The following IKBKB variants were observed in gnomAD, a reference collection of about 807,000 sequenced individuals.
IKBKB encodes the protein inhibitor of nuclear factor kappa B kinase subunit beta, also known as inhibitor of nuclear factor kappa-B kinase subunit beta.
In IKBKB, 42 loss-of-function variants were observed where a neutral mutation model predicts 113.6. The ratio of observed to expected loss-of-function variants is 0.37; its 90% confidence interval spans 0.29 to 0.48. The LOEUF (loss-of-function observed/expected upper bound fraction) is 0.48, where lower values mean the gene tolerates loss of function less well. Ranked by LOEUF, IKBKB falls within the 20% of genes least tolerant of loss-of-function variation. IKBKB has a pLI of 0.99. For missense variants in IKBKB, 673 were observed against 939.7 expected (o/e 0.72, Z 3.71); for synonymous variants, 296 against 361.3 (o/e 0.82, Z 2.05).
At chr8:42,304,069 T>A (rs1039339915) in intron 5 of IKBKB, among the ~76,000 whole-genome samples, 1 of 152,104 alleles carries the variant, frequency 6.6e-6, no homozygotes, top group African/African-American at 2.4e-5. Context: ...TTGTTGCTAA[T>A]GTGAATGGGA....
chr8:42,285,446 A>C (rs953513714), intron 2 of IKBKB, among the ~76,000 whole-genome samples: 19 of 152,144 alleles, frequency 1.2e-4, no homozygotes, highest in Admixed American at 1.2e-3. Context: ...AATCCCAGCT[A>C]CTTGAAGCTG....
intron 2 of IKBKB, among the ~76,000 whole-genome samples, chr8:42,288,406 G>C (rs958511683): frequency 1.3e-5 from 2 of 150,210 alleles, no homozygotes; most frequent in African/African-American, 4.9e-5. Flanking sequence ...AAAAAAAAGA[G>C]AGAGAAAGAA....
At chr8:42,327,632 CTT>C (rs746891907) in intron 20 of IKBKB, among the ~76,000 whole-genome samples, 15 of 122,800 alleles carry the variant, frequency 1.2e-4, no homozygotes, top group Admixed American at 1.7e-4. Context: ...TGCACCCAGC[CTT>C]TTTTTTTTTT....
chr8:42,317,820 T>C, intron 12 of IKBKB, 49 bp downstream of exon 12: 1 of 1,353,092 alleles, frequency 7.4e-7, no homozygotes. Flanking sequence ...TTATAATATG[T>C]GGGACAAGGC....
chr8:42,320,889 C>G (rs200102242), intron 16 of IKBKB, 45 bp downstream of exon 16: 33 of 1,289,350 alleles, frequency 2.6e-5, no homozygotes, highest in Non-Finnish European at 3.3e-5. Context: ...CACACACAGA[C>G]AGCCCTGGAG....
chr8:42,291,235 G>A (rs1246618871), intron 4 of IKBKB, among the ~76,000 whole-genome samples: 1 of 152,168 alleles, frequency 6.6e-6, no homozygotes, highest in Non-Finnish European at 1.5e-5. Context: ...AGGCTGGAGT[G>A]CAGTGGCGTG....
intron 20 of IKBKB, among the ~76,000 whole-genome samples, chr8:42,327,280 G>A (rs1038154510): frequency 6.7e-6 from 1 of 148,502 alleles, no homozygotes; most frequent in Non-Finnish European, 1.5e-5. Flanking sequence ...GTTCGCAGGA[G>A]TTCGAGGCAA....
At chr8:42,295,360 C>G (rs368401608) in intron 5 of IKBKB, among the ~76,000 whole-genome samples, 2 of 152,196 alleles carry the variant, frequency 1.3e-5, no homozygotes, top group Non-Finnish European at 2.9e-5. Context: ...CTCAAGTGAT[C>G]TGCCCATCTC....
chr8:42,272,046 A>T, intron 1 of IKBKB, 37 bp from the exon 2 acceptor site: 7 of 1,580,068 alleles, frequency 4.4e-6, no homozygotes, highest in Admixed American at 3.6e-5. Context: ...TTTTTTCTTA[A>T]TCCTAACCTT....
chr8:42,308,287 TTTTTC>T (rs1816948652), intron 7 of IKBKB, among the ~76,000 whole-genome samples: 2 of 149,826 alleles, frequency 1.3e-5, no homozygotes, highest in African/African-American at 2.4e-5. Flanking sequence ...TTTTTCCTTT[TTTTTC>T]TTTCTTTCTT....
At position 42,331,112 on chromosome 8, in the gene IKBKB, A is replaced by G. The variant is rs568751975; in HGVS notation, c.*133A>G. 2.8e-5 allele frequency: 38 copies of G among 1,371,728 alleles called. No homozygotes were observed. The African/African-American group carries it at 3.1e-4, about 11-fold the overall frequency. The allele number at this position is 1,371,728 out of a possible 1,614,324, so 85.0% of individuals were successfully genotyped here. A position where few individuals can be genotyped will look rare whatever the true frequency, so the allele number is the denominator to read the frequency against. The stretch of plus-strand genomic sequence containing the variant: ...GGGGCTGCCTGGCCGCGGCTCTCAC[A>G]TGGTGGTTCCTGCTGCACTGATGGC... On this transcript the variant is annotated 3_prime_UTR_variant, in exon 22 of 22. Transcript: ENST00000520810.
rs771854553 is a variant in IKBKB, at chr8:42,316,945, C to A, written c.1125+41C>A. On this transcript the variant is annotated intron_variant, in intron 11 of 21. Coordinates refer to ENST00000520810, the MANE Select transcript of IKBKB (RefSeq NM_001556.3). This position sits in a 1 kb window ranked among gnomAD's most constrained non-coding sequence, Gnocchi z 4.5. ...GTACACACCATCCTGTTTACCTTGG[C>A]TGTGCCTCCTGGGAAACTCAACACA... is the stretch of plus-strand genomic sequence containing the variant. The A allele has an allele frequency of 6.4e-7, 1 of 1,566,044 alleles. No homozygotes were observed. The highest frequency in any genetic ancestry group is 1.1e-5 in the South Asian group (1 of 88,870).
rs1359541205 is a variant in IKBKB at position 42,272,310 on chromosome 8, G to C, written c.105+105G>C. On this transcript the variant is annotated intron_variant, in intron 2 of 21. Coordinates refer to ENST00000520810, the MANE Select transcript of IKBKB (RefSeq NM_001556.3). Reference sequence around the variant, plus strand: ...GGCCAAGGGCTCACCTTTGGCTTTGGTCATCTTGGGACAGTGAATAGGGGG... The same window carrying C: ...GGCCAAGGGCTCACCTTTGGCTTTGCTCATCTTGGGACAGTGAATAGGGGG... 2.7e-6 allele frequency: 4 copies of C among 1,498,342 alleles called. No homozygotes were observed. In the African/African-American group the frequency reaches 5.5e-5, roughly 21 times the overall value. The allele number at this position is 1,498,342 out of a possible 1,614,324, so 92.8% of individuals were successfully genotyped here.
At chr8:42,328,799 A>G (rs1349521644) in intron 20 of IKBKB, among the ~76,000 whole-genome samples, 1 of 152,228 alleles carries the variant, frequency 6.6e-6, no homozygotes, top group African/African-American at 2.4e-5. Flanking sequence ...GATTTGGAGA[A>G]TATCTTTAGA....
At chr8:42,311,682 G>C (rs1817731176) in intron 8 of IKBKB, among the ~76,000 whole-genome samples, 1 of 152,256 alleles carries the variant, frequency 6.6e-6, no homozygotes, top group East Asian at 1.9e-4. Context: ...TTACCTCCCA[G>C]TGAGGGAGGT....
chr8:42,283,607 A>G (rs1395626349), intron 2 of IKBKB, among the ~76,000 whole-genome samples: 1 of 152,130 alleles, frequency 6.6e-6, no homozygotes, highest in Non-Finnish European at 1.5e-5. Flanking sequence ...GCAGAAGGAA[A>G]AGTAGGGAAA....
intron 16 of IKBKB, 71 bp downstream of exon 16, chr8:42,320,915 C>T: frequency 3.2e-6 from 3 of 933,692 alleles, no homozygotes; most frequent in Non-Finnish European, 4.8e-6. Context: ...GTGTGTGTGT[C>T]AAGGGCACCC....
At position 42,316,678 on chromosome 8, in the gene IKBKB, G is replaced by A. The variant is rs200547334; in HGVS notation, c.931-32G>A. On this transcript the variant is annotated intron_variant, in intron 10 of 21. Transcript: ENST00000520810. The surrounding 1 kb of genome is among the most constrained non-coding windows in gnomAD (Gnocchi z 4.5). ...AGATGGGCATTTCCTTGAAGAAATCGGTTTTCCAGTAACATCTGGGTTGTG... is the reference window on the plus strand; with the variant it reads ...AGATGGGCATTTCCTTGAAGAAATCAGTTTTCCAGTAACATCTGGGTTGTG... The A allele has an allele frequency of 8.8e-6, 14 of 1,585,048 alleles. No individual in the cohort carries two copies. The East Asian group carries it at 1.3e-4, about 15-fold the overall frequency.
chr8:42,328,280 A>AT (rs1821204962), intron 20 of IKBKB, among the ~76,000 whole-genome samples: 4 of 114,200 alleles, frequency 3.5e-5, no homozygotes, highest in African/African-American at 1.3e-4. Context: ...AATAAAAATT[A>AT]TTTCCCCAAC....
Sources: gnomAD v4.1 joint callset for allele counts (sites outside exome capture counted in the v4.1 genomes callset) on GRCh38, gnomAD v4.1.1 for gene constraint, Gnocchi (gnomAD v3.1) non-coding constraint, MANE v1.5 for transcripts, NCBI Gene and HGNC (gene_info 2026-07-23, HGNC 2026-07-21) for gene names.